IRAK3: variants seen among roughly 807,000 people sequenced by gnomAD.
The protein encoded by IRAK3 is interleukin 1 receptor associated kinase 3, also known as interleukin-1 receptor-associated kinase 3.
IRAK3 carries 57 observed loss-of-function variants against 56.6 expected under a neutral mutation model. That is an observed-to-expected ratio of 1.01 (90% CI 0.81 to 1.26). IRAK3 has a LOEUF of 1.26. Among genes scored for constraint, IRAK3 ranks in the 50% most tolerant of loss-of-function variants. The pLI is 0.00. For missense variants in IRAK3, 703 were observed against 719.0 expected (o/e 0.98, Z 0.25); for synonymous variants, 258 against 255.7 (o/e 1.01, Z -0.09).
chr12:66,234,083 G>A, intron 8 of IRAK3: 1 of 1,613,970 alleles, frequency 6.2e-7, no homozygotes, highest in Non-Finnish European at 8.5e-7. Context: ...TTACTTATTA[G>A]GTTGAAAGGT....
At chr12:66,234,288 T>C (rs566352966) in intron 8 of IRAK3, 20 of 1,612,898 alleles carry the variant, frequency 1.2e-5, no homozygotes, top group Admixed American at 8.3e-5. Flanking sequence ...GGGCTGATCA[T>C]TGATGCGGGC....
intron 11 of IRAK3, among the ~76,000 whole-genome samples, chr12:66,245,529 CTTTT>C (rs745553622): frequency 2.7e-5 from 2 of 75,348 alleles, no homozygotes; most frequent in Non-Finnish European, 4.6e-5. Context: ...TTTATTCAAT[CTTTT>C]TTTTTTTTTT....
rs537721666 is a variant in IRAK3 at position 66,221,071 on chromosome 12, A to T, written c.653+3836A>T. The stretch of plus-strand genomic sequence containing the variant: ...ATCAGTGTCCTATAGTTGTTAACGC[A>T]CAAAATTTTCACCTCCTTGGTTAAA... On this transcript the variant is annotated intron_variant, in intron 6 of 11. Transcript: ENST00000261233. Among the ~76,000 whole-genome samples, 48 of 152,284 alleles carry T rather than the reference A, an allele frequency of 3.2e-4. No individual in the cohort carries two copies. The South Asian group carries it at 5.2e-3, about 16-fold the overall frequency.
chr12:66,196,967 A>G lies in IRAK3; in HGVS notation c.134-6744A>G, dbSNP rs1471850197. 4 of 1,535,156 alleles carry G rather than the reference A, an allele frequency of 2.6e-6. No individual in the cohort carries two copies. In the Admixed American group the frequency reaches 7.9e-5, roughly 30 times the overall value. On this transcript the variant is annotated intron_variant, in intron 1 of 11. Transcript: ENST00000261233. ...GTATGCAAATACAAAGATTCCAAAT[A>G]CGGATGTGTTGCATTATTTGAAAAA...
chr12:66,203,454 G>A (rs1020338550), intron 1 of IRAK3, among the ~76,000 whole-genome samples: 3 of 152,136 alleles, frequency 2.0e-5, no homozygotes, highest in South Asian at 4.1e-4. Context: ...CAGAAAAGAG[G>A]CATTAGTGGA....
intron 1 of IRAK3, among the ~76,000 whole-genome samples, chr12:66,195,781 T>C (rs2052446024): frequency 6.6e-6 from 1 of 152,188 alleles, no homozygotes; most frequent in Non-Finnish European, 1.5e-5. Flanking sequence ...TGCCTCAGCA[T>C]CCCGAGTGGG....
chr12:66,246,320 C>T (rs1167030207), intron 11 of IRAK3, among the ~76,000 whole-genome samples: 1 of 152,064 alleles, frequency 6.6e-6, no homozygotes, highest in Non-Finnish European at 1.5e-5. Flanking sequence ...GGAGGGGGAG[C>T]AGTGAGGGAA....
Position 66,223,645 on chromosome 12 carries a change from C to T in IRAK3, c.654-3078C>T, listed in dbSNP as rs183668365. On this transcript the variant is annotated intron_variant, in intron 6 of 11. Transcript: ENST00000261233. Reference sequence around the variant, plus strand: ...CTGCACTCCAGCCTGGGCAACAGAGCGAGACTCCGTCTCAAAAAAAAAAAA... The same window carrying T: ...CTGCACTCCAGCCTGGGCAACAGAGTGAGACTCCGTCTCAAAAAAAAAAAA... Among the ~76,000 whole-genome samples, 161 of 147,948 alleles carry T rather than the reference C, an allele frequency of 1.1e-3. 3 individuals carry two copies. In the East Asian group the frequency reaches 0.025, roughly 23 times the overall value.
intron 5 of IRAK3, among the ~76,000 whole-genome samples, chr12:66,215,928 C>A: frequency 6.6e-6 from 1 of 152,132 alleles, no homozygotes; most frequent in East Asian, 1.9e-4. Context: ...AATTACTTTT[C>A]TTAGAGGGAC....
intron 1 of IRAK3, among the ~76,000 whole-genome samples, chr12:66,195,887 C>T (rs2052447363): frequency 6.6e-6 from 1 of 151,996 alleles, no homozygotes; most frequent in African/African-American, 2.4e-5. Flanking sequence ...GAACTTCTGG[C>T]CTTAGGTGAT....
intron 8 of IRAK3, among the ~76,000 whole-genome samples, chr12:66,230,452 G>A (rs969501688): frequency 2.6e-5 from 4 of 152,148 alleles, no homozygotes; most frequent in Admixed American, 2.0e-4. Flanking sequence ...CTGGGGTGGC[G>A]CATCAAAGAC....
At chr12:66,228,122 C>T in intron 7 of IRAK3, 130 bp from the exon 8 acceptor site, 1 of 791,628 alleles carries the variant, frequency 1.3e-6, no homozygotes, top group Non-Finnish European at 2.3e-6. Context: ...TTTGGAAAAC[C>T]AAAACGTTGA....
intron 8 of IRAK3, among the ~76,000 whole-genome samples, chr12:66,238,885 T>G (rs1204365893): frequency 6.6e-6 from 1 of 152,188 alleles, no homozygotes; most frequent in Non-Finnish European, 1.5e-5. Flanking sequence ...GGAAAGGACT[T>G]AAAGAAAAGA....
chr12:66,213,284 C>T (rs2052631633), intron 5 of IRAK3, among the ~76,000 whole-genome samples: 1 of 152,170 alleles, frequency 6.6e-6, no homozygotes, highest in South Asian at 2.1e-4. Flanking sequence ...TTAACTCCCA[C>T]TGGGCCCCTC....
chr12:66,236,783 G>A (rs560671569), intron 8 of IRAK3, among the ~76,000 whole-genome samples: 54 of 152,210 alleles, frequency 3.5e-4, no homozygotes, highest in African/African-American at 1.2e-3. Context: ...ACTGTTACAG[G>A]AGAACGTGAC....
At chr12:66,214,377 A>T (rs2136927421) in intron 5 of IRAK3, among the ~76,000 whole-genome samples, 2 of 151,946 alleles carry the variant, frequency 1.3e-5, no homozygotes, top group East Asian at 1.9e-4. Flanking sequence ...ATACAAAAAA[A>T]AAATTAAAAA....
At chr12:66,236,395 C>CAAAAAAAAAAAA (rs56074285) in intron 8 of IRAK3, among the ~76,000 whole-genome samples, 1 of 110,410 alleles carries the variant, frequency 9.1e-6, no homozygotes, top group East Asian at 2.7e-4. Flanking sequence ...CTAAAAATAC[C>CAAAAAAAAAAAA]AAAAAAAAAA....
At chr12:66,200,126 T>C (rs570812171) in intron 1 of IRAK3, among the ~76,000 whole-genome samples, 1 of 152,350 alleles carries the variant, frequency 6.6e-6, no homozygotes, top group East Asian at 1.9e-4. Context: ...TTGTTTGATA[T>C]GTAATTGCAA....
At position 66,245,230 on chromosome 12, in the gene IRAK3, A is replaced by T; in HGVS notation, c.1282A>T (p.Thr428Ser). 1 of 1,614,186 alleles carries T rather than the reference A, an allele frequency of 6.2e-7. No homozygotes were observed. ...CTGTTTGGCAGGCCGGTGTGCTGCA[A>T]CGCGGGCAAAGTTAAGACCATCAAT... ...LFCLAGRCAA[T>S]RAKLRPSMDE... Residue 428 changes from threonine to serine, a missense_variant, in exon 11 of 12, where the codon ACG becomes TCG. Transcript: ENST00000261233.
Sources: gnomAD v4.1 joint callset for allele counts (sites outside exome capture counted in the v4.1 genomes callset) on GRCh38, gnomAD v4.1.1 for gene constraint, MANE v1.5 for transcripts, NCBI Gene and HGNC (gene_info 2026-07-23, HGNC 2026-07-21) for gene names.